Variants in DENND5A observed in about 807,000 individuals in gnomAD.
DENND5A encodes the protein DENN domain containing 5A.
A neutral mutation model predicts 140.3 loss-of-function variants in DENND5A; 64 were observed. The observed-to-expected ratio is 0.46, with a 90% CI of 0.37 to 0.56. DENND5A has a LOEUF of 0.56. Ranked by LOEUF, DENND5A falls within the 20% of genes least tolerant of loss-of-function variation. The pLI is 0.00. For missense variants in DENND5A, 1,292 were observed against 1,593.8 expected (o/e 0.81, Z 3.22); for synonymous variants, 605 against 607.7 (o/e 1.00, Z 0.07).
At chr11:9,141,164 GCCA>G (rs1415052554) in intron 22 of DENND5A, among the ~76,000 whole-genome samples, 1 of 151,970 alleles carries the variant, frequency 6.6e-6, no homozygotes, top group African/African-American at 2.4e-5. Flanking sequence ...ATGGTAAGGG[GCCA>G]CGTTTTATTC....
chr11:9,173,118 G>C (rs967168882), intron 8 of DENND5A, among the ~76,000 whole-genome samples: 1 of 151,888 alleles, frequency 6.6e-6, no homozygotes, highest in Admixed American at 6.6e-5. Flanking sequence ...GAGCCACCGC[G>C]CCTGGCCTGG....
intron 10 of DENND5A, among the ~76,000 whole-genome samples, chr11:9,166,858 T>C (rs1299174354): frequency 6.6e-6 from 1 of 151,076 alleles, no homozygotes; most frequent in Non-Finnish European, 1.5e-5. Flanking sequence ...AATAAAAATT[T>C]AAAAAATTAA....
intron 6 of DENND5A, 102 bp downstream of exon 6, chr11:9,180,665 G>T: frequency 9.0e-7 from 1 of 1,116,388 alleles, no homozygotes. Context: ...TCACAAATAT[G>T]AGTTGTCCAG....
intron 5 of DENND5A, among the ~76,000 whole-genome samples, chr11:9,189,285 A>T (rs1375795616): frequency 6.6e-6 from 1 of 152,198 alleles, no homozygotes; most frequent in Non-Finnish European, 1.5e-5. Context: ...GTACGGAAAT[A>T]CCTGGATGCC....
intron 1 of DENND5A, among the ~76,000 whole-genome samples, chr11:9,233,151 A>C (rs1240161098): frequency 3.9e-5 from 6 of 152,168 alleles, no homozygotes; most frequent in African/African-American, 1.4e-4. Context: ...CTATAATCCC[A>C]ACACTTTGGG....
Position 9,139,567 on chromosome 11 carries a change from T to G in DENND5A, c.*104A>C. 9.8e-7 allele frequency: 1 copy of G among 1,015,640 alleles called. No individual in the cohort carries two copies. Among genetic ancestry groups the G allele is most frequent in the Non-Finnish European group, 1.4e-6 (1 of 702,310 alleles). 62.9% of individuals were successfully genotyped at this position (1,015,640 alleles called of 1,614,324 possible). A position where few individuals can be genotyped will look rare whatever the true frequency, so the allele number is the denominator to read the frequency against. On this transcript the variant is annotated 3_prime_UTR_variant, in exon 23 of 23. Transcript: ENST00000328194. ...GTTTTCTTTTTACAGTGAGTGTACA[T>G]TTTGTCTCCTACTCCTGCACAATCG...
At chr11:9,257,432 T>TAA (rs71062819) in intron 1 of DENND5A, among the ~76,000 whole-genome samples, 4 of 118,616 alleles carry the variant, frequency 3.4e-5, no homozygotes, top group Non-Finnish European at 7.0e-5. Context: ...CTCTGTCTCT[T>TAA]AAAAAAAAAA....
intron 12 of DENND5A, among the ~76,000 whole-genome samples, chr11:9,156,553 G>T (rs1448774824): frequency 6.6e-6 from 1 of 151,980 alleles, no homozygotes; most frequent in Non-Finnish European, 1.5e-5. Context: ...CTTGAACCAG[G>T]GAGGTGGAGG....
intron 15 of DENND5A, among the ~76,000 whole-genome samples, chr11:9,149,171 G>A (rs1847529807): frequency 1.3e-5 from 2 of 152,122 alleles, no homozygotes; most frequent in Admixed American, 6.5e-5. Context: ...TGAATACACA[G>A]CCCCCATGAA....
chr11:9,215,983 T>A (rs1402180716), intron 1 of DENND5A, among the ~76,000 whole-genome samples: 2 of 152,186 alleles, frequency 1.3e-5, no homozygotes, highest in Non-Finnish European at 2.9e-5. Flanking sequence ...AAATTGGGCT[T>A]AAGCAAACCC....
chr11:9,174,861 T>A (rs1848497424), intron 8 of DENND5A, among the ~76,000 whole-genome samples: 4 of 152,102 alleles, frequency 2.6e-5, no homozygotes, highest in Admixed American at 2.0e-4. Flanking sequence ...CCTTAACTGC[T>A]AAAGGTTATC....
chr11:9,236,309 A>C (rs1851001073), intron 1 of DENND5A, among the ~76,000 whole-genome samples: 1 of 152,068 alleles, frequency 6.6e-6, no homozygotes, highest in African/African-American at 2.4e-5. Context: ...AGGCAGGCGT[A>C]TCACCTGAGG....
At chr11:9,163,889 G>A (rs1848080533) in intron 11 of DENND5A, among the ~76,000 whole-genome samples, 2 of 141,744 alleles carry the variant, frequency 1.4e-5, no homozygotes, top group Admixed American at 1.4e-4. Context: ...CTTCATAGTA[G>A]AAAGGCAGAA....
intron 1 of DENND5A, among the ~76,000 whole-genome samples, chr11:9,220,550 AAATAATAAT>A (rs548747906): frequency 4.0e-5 from 6 of 150,878 alleles, no homozygotes; most frequent in Admixed American, 6.6e-5. Flanking sequence ...TCTGTCTCAA[AAATAATAAT>A]AATAATAATA....
intron 1 of DENND5A, among the ~76,000 whole-genome samples, chr11:9,259,963 G>T (rs1483853871): frequency 6.7e-6 from 1 of 149,538 alleles, no homozygotes; most frequent in Non-Finnish European, 1.5e-5. Flanking sequence ...GACAGGCAGA[G>T]GTTGCAGTGA....
chr11:9,226,628 A>C, intron 1 of DENND5A, among the ~76,000 whole-genome samples: 1 of 152,200 alleles, frequency 6.6e-6, no homozygotes, highest in East Asian at 1.9e-4. Context: ...TAAATTCATA[A>C]AACTGTAAGA....
chr11:9,246,482 C>T (rs532959642), intron 1 of DENND5A, among the ~76,000 whole-genome samples: 6 of 151,782 alleles, frequency 4.0e-5, no homozygotes, highest in Non-Finnish European at 7.4e-5. Context: ...TGTGGTGGCA[C>T]GCTCCTGTAG....
chr11:9,180,407 C>T (rs958498614), intron 6 of DENND5A, among the ~76,000 whole-genome samples: 4 of 152,118 alleles, frequency 2.6e-5, no homozygotes, highest in South Asian at 4.1e-4. Context: ...GAGCCGTGAC[C>T]GTGCCACCAC....
chr11:9,163,974 C>T (rs911905091), intron 11 of DENND5A, among the ~76,000 whole-genome samples: 5 of 147,544 alleles, frequency 3.4e-5, no homozygotes, highest in Non-Finnish European at 7.4e-5. Flanking sequence ...TTTACACAAA[C>T]ACACACACAC....
Sources: gnomAD v4.1 joint callset for allele counts (sites outside exome capture counted in the v4.1 genomes callset) on GRCh38, gnomAD v4.1.1 for gene constraint, MANE v1.5 for transcripts, NCBI Gene and HGNC (gene_info 2026-07-23, HGNC 2026-07-21) for gene names.